Variants in MIPOL1 observed in about 807,000 individuals in gnomAD.
The protein encoded by MIPOL1 is mirror-image polydactyly 1, also known as mirror-image polydactyly gene 1 protein.
Under a neutral mutation model 60.9 loss-of-function variants are expected in MIPOL1, and 57 were observed. That is an observed-to-expected ratio of 0.94 (90% CI 0.76 to 1.17). The LOEUF (loss-of-function observed/expected upper bound fraction) is 1.17, where lower values mean the gene tolerates loss of function less well. MIPOL1 is among the 50% of genes most tolerant of loss of function. MIPOL1 has a pLI of 0.00. For synonymous variants in MIPOL1, 179 were observed against 168.8 expected, an observed-to-expected ratio of 1.06 and a Z score of -0.47; for missense variants, 551 against 511.6, an observed-to-expected ratio of 1.08 and a Z score of -0.74.
chr14:37,328,225 G>A (rs1156334787), intron 9 of MIPOL1, among the ~76,000 whole-genome samples: 1 of 151,986 alleles, frequency 6.6e-6, no homozygotes, highest in Non-Finnish European at 1.5e-5. Flanking sequence ...ATGTTGGCCA[G>A]GCTGGTCTTG....
Position 37,546,948 on chromosome 14 carries a change from G to T in MIPOL1, c.1306G>T (p.Gly436Trp), listed in dbSNP as rs143528004. The stretch of plus-strand genomic sequence containing the variant: ...TGTACTGAGGAAGAAGGTTGGAACC[G>T]GGACCATGAGGACAGTGATCTGATT... ...VDVLRKKVGT[G>W]TMRTVI Residue 436 changes from glycine (G) to tryptophan (W), a missense_variant, in exon 13 of 13, where the codon GGG (glycine) becomes TGG (tryptophan). Physicochemically the swap from Gly to Trp is radical, Grantham distance 184 (BLOSUM62 -2). Coordinates refer to ENST00000684589, the MANE Select transcript of MIPOL1 (RefSeq NM_001388067.1). 17 of 1,613,634 alleles carry T rather than the reference G, an allele frequency of 1.1e-5. No homozygotes were observed. The highest frequency in any genetic ancestry group is 3.3e-5 in the South Asian group (3 of 91,028).
chr14:37,336,420 GTCTCT>G (rs2090125154), intron 9 of MIPOL1, among the ~76,000 whole-genome samples: 1 of 149,074 alleles, frequency 6.7e-6, no homozygotes, highest in Non-Finnish European at 1.5e-5. Flanking sequence ...TGCCCTCTTT[GTCTCT>G]TCTAAGTTGC....
chr14:37,349,615 A>G (rs1194812907), intron 9 of MIPOL1, among the ~76,000 whole-genome samples: 1 of 151,874 alleles, frequency 6.6e-6, no homozygotes, highest in East Asian at 1.9e-4. Flanking sequence ...ATCTTCTTAG[A>G]CTCTGTATTC....
chr14:37,451,808 C>CTCTTTTTTTTTTTTTTTT (rs1418256414), intron 11 of MIPOL1, among the ~76,000 whole-genome samples: 2 of 84,598 alleles, frequency 2.4e-5, no homozygotes, highest in African/African-American at 1.3e-4. Flanking sequence ...TTTATTCTCT[C>CTCTTTTTTTTTTTTTTTT]TTTTTTTTTT....
At chr14:37,199,821 G>A (rs1341926603) in intron 1 of MIPOL1, among the ~76,000 whole-genome samples, 1 of 152,078 alleles carries the variant, frequency 6.6e-6, no homozygotes, top group African/African-American at 2.4e-5. Flanking sequence ...CATCGCGCCT[G>A]GCCATATGTA....
At position 37,500,038 on chromosome 14, in the gene MIPOL1, G is replaced by A; in HGVS notation, c.1162G>A (p.Ala388Thr). ...CACTCAACAACAAAATGAGGAACTG[G>A]CTACTCAACTGCAACAAGCTCTGAC... is the stretch of plus-strand genomic sequence containing the variant. ...SITQQQNEEL[A>T]TQLQQALTER... is the part of the protein sequence containing the mutation. Residue 388 changes from alanine to threonine, a missense_variant, in exon 12 of 13, where the codon GCT (alanine) becomes ACT (threonine). By Grantham distance (58) the Ala-to-Thr change is moderately conservative. Coordinates refer to ENST00000684589, the MANE Select transcript of MIPOL1 (RefSeq NM_001388067.1). 6.2e-7 allele frequency: 1 copy of A among 1,613,938 alleles called. No individual in the cohort carries two copies. Among genetic ancestry groups the A allele is most frequent in the Non-Finnish European group, 8.5e-7 (1 of 1,179,886 alleles).
intron 1 of MIPOL1, among the ~76,000 whole-genome samples, chr14:37,214,603 C>T (rs528571592): frequency 1.3e-5 from 2 of 152,082 alleles, no homozygotes; most frequent in Non-Finnish European, 2.9e-5. Context: ...GTAGCAATTA[C>T]TCTTTATTCC....
chr14:37,438,010 T>C (rs1325183844), intron 11 of MIPOL1, among the ~76,000 whole-genome samples: 1 of 152,180 alleles, frequency 6.6e-6, no homozygotes, highest in African/African-American at 2.4e-5. Flanking sequence ...AAGTTTTCGC[T>C]GTAGTTAAGA....
intron 11 of MIPOL1, among the ~76,000 whole-genome samples, chr14:37,441,713 G>C (rs376099310): frequency 6.6e-6 from 1 of 151,668 alleles, no homozygotes; most frequent in South Asian, 2.1e-4. Flanking sequence ...TCTGTTTTTT[G>C]GGGTTTTTTG....
rs184421687 is a variant in MIPOL1, at chr14:37,363,545, G to A, written c.829-5972G>A. Among the ~76,000 whole-genome samples, 8 of 152,202 alleles carry A rather than the reference G, an allele frequency of 5.3e-5. No individual in the cohort carries two copies. In the East Asian group the frequency reaches 1.2e-3, roughly 22 times the overall value. On this transcript the variant is annotated intron_variant, in intron 9 of 12. Coordinates refer to ENST00000684589, the MANE Select transcript of MIPOL1 (RefSeq NM_001388067.1). ...CATCCACCTGTATGAGGTGTCTGTCGGCCCCAGTGGGAGGTGTCTTCCAGT... is the reference window on the plus strand; with the variant it reads ...CATCCACCTGTATGAGGTGTCTGTCAGCCCCAGTGGGAGGTGTCTTCCAGT...
intron 9 of MIPOL1, among the ~76,000 whole-genome samples, chr14:37,330,598 C>T (rs1261789458): frequency 1.3e-5 from 2 of 152,162 alleles, no homozygotes; most frequent in East Asian, 3.9e-4. Context: ...AATGGCTATC[C>T]CAGCAGGTTG....
intron 10 of MIPOL1, among the ~76,000 whole-genome samples, chr14:37,377,515 G>A (rs2092808696): frequency 6.6e-6 from 1 of 151,904 alleles, no homozygotes; most frequent in South Asian, 2.1e-4. Context: ...CTTTTTGGGG[G>A]GCAAGATAAA....
chr14:37,397,602 A>G (rs962176520), intron 10 of MIPOL1, among the ~76,000 whole-genome samples: 1 of 152,048 alleles, frequency 6.6e-6, no homozygotes, highest in Non-Finnish European at 1.5e-5. Flanking sequence ...TGGATAGGGA[A>G]GGCCCATCAG....
intron 7 of MIPOL1, among the ~76,000 whole-genome samples, chr14:37,292,796 T>C (rs2153418720): frequency 6.6e-6 from 1 of 152,226 alleles, no homozygotes; most frequent in Middle Eastern, 3.4e-3. Context: ...AACATTTAAT[T>C]TTCAGGCCTG....
chr14:37,535,641 C>A (rs1374739995), intron 12 of MIPOL1, among the ~76,000 whole-genome samples: 4 of 152,114 alleles, frequency 2.6e-5, no homozygotes, highest in African/African-American at 9.7e-5. Context: ...TATAATCCAT[C>A]CCTACAGAGA....
intron 1 of MIPOL1, among the ~76,000 whole-genome samples, chr14:37,225,806 C>T (rs921762721): frequency 2.0e-5 from 3 of 152,102 alleles, no homozygotes; most frequent in East Asian, 1.9e-4. Flanking sequence ...TGTGGTCAGG[C>T]GGCAAATTGT....
At chr14:37,524,829 A>G (rs1341177904) in intron 12 of MIPOL1, among the ~76,000 whole-genome samples, 1 of 151,820 alleles carries the variant, frequency 6.6e-6, no homozygotes, top group Non-Finnish European at 1.5e-5. Flanking sequence ...CAGCCTCCCA[A>G]AGTGCTGGGA....
chr14:37,376,779 C>T (rs534986634), intron 10 of MIPOL1, among the ~76,000 whole-genome samples: 1 of 152,090 alleles, frequency 6.6e-6, no homozygotes. Flanking sequence ...CAGGTGTTTT[C>T]AGCTCATTTG....
At chr14:37,481,551 AC>A (rs760070603) in intron 11 of MIPOL1, among the ~76,000 whole-genome samples, 8 of 123,574 alleles carry the variant, frequency 6.5e-5, no homozygotes, top group South Asian at 5.3e-4. Context: ...ACTCATATGG[AC>A]CCCCCCCAAC....
Sources: gnomAD v4.1 joint callset for allele counts (sites outside exome capture counted in the v4.1 genomes callset) on GRCh38, gnomAD v4.1.1 for gene constraint, MANE v1.5 for transcripts, NCBI Gene and HGNC (gene_info 2026-07-23, HGNC 2026-07-21) for gene names.